CABP1: variants seen among roughly 807,000 people sequenced by gnomAD.
CABP1 encodes calcium-binding protein 1.
A neutral mutation model predicts 34.3 loss-of-function variants in CABP1; 17 were observed. The ratio of observed to expected loss-of-function variants is 0.50; its 90% CI spans 0.34 to 0.74. The LOEUF (loss-of-function observed/expected upper bound fraction) is 0.74, where lower values mean the gene tolerates loss of function less well. Ranked by LOEUF, CABP1 falls within the 30% of genes least tolerant of loss-of-function variation. The pLI is 0.01. For missense variants in CABP1, 373 were observed against 511.1 expected, an observed-to-expected ratio of 0.73 and a Z score of 2.61; for synonymous variants, 198 against 229.2, an observed-to-expected ratio of 0.86 and a Z score of 1.23.
chr12:120,655,407 TG>T, intron 1 of CABP1: 1 of 342,660 alleles, frequency 2.9e-6, no homozygotes, highest in Non-Finnish European at 4.2e-6. Flanking sequence ...CACTCCAGCC[TG>T]GGCGACAGAG....
Position 120,661,331 on chromosome 12 carries a change from A to C in CABP1, c.1087+113A>C, listed in dbSNP as rs1034731139. 7.9e-7 allele frequency: 1 copy of C among 1,262,142 alleles called. No homozygotes were observed. The highest frequency in any genetic ancestry group is 1.1e-6 in the Non-Finnish European group (1 of 921,274). The allele number at this position is 1,262,142 out of a possible 1,614,324, so 78.2% of individuals were successfully genotyped here. ...AATCCGCCCTAATTTTCCAACCCCC[A>C]GCCCTTTCATCCTCTTATCCCTCCG... On this transcript the variant is annotated intron_variant, in intron 5 of 5. Transcript: ENST00000316803. This position sits in a 1 kb window ranked among gnomAD's most constrained non-coding sequence, Gnocchi z 5.1.
At chr12:120,643,595 T>TA (rs1438867706) in intron 1 of CABP1, among the ~76,000 whole-genome samples, 2 of 152,242 alleles carry the variant, frequency 1.3e-5, no homozygotes, top group African/African-American at 4.8e-5. Flanking sequence ...ATTTCTTTTT[T>TA]AAAAAATATA....
chr12:120,643,338 C>T (rs1056222077), intron 1 of CABP1, among the ~76,000 whole-genome samples: 4 of 152,214 alleles, frequency 2.6e-5, no homozygotes, highest in South Asian at 2.1e-4. Flanking sequence ...CTGGGACTTT[C>T]GTGTCAGAGC....
At chr12:120,656,225 C>G in intron 1 of CABP1, 4 of 1,589,922 alleles carry the variant, frequency 2.5e-6, no homozygotes, top group Non-Finnish European at 3.4e-6. Flanking sequence ...CCTGCTGGGC[C>G]CTGCCTGCAT....
rs773340579 is a variant in CABP1 at position 120,655,850 on chromosome 12, TGC to T, written c.655-4025_655-4024del. ...GCGTGCGTGTGTGTGTGTGTGTGTG[TGC>T]GCATGTGCCACACAGAGGGCATCAC... is the stretch of plus-strand genomic sequence containing the variant. On this transcript the variant is annotated intron_variant, in intron 1 of 5. Transcript: ENST00000316803. The T allele has an allele frequency of 5.0e-4, 726 of 1,455,834 alleles. No individual in the cohort carries two copies. The East Asian group carries it at 6.9e-3, about 14-fold the overall frequency. 90.2% of individuals were successfully genotyped at this position (1,455,834 alleles called of 1,614,324 possible). A position where few individuals can be genotyped will look rare whatever the true frequency, so the allele number is the denominator to read the frequency against.
intron 1 of CABP1, among the ~76,000 whole-genome samples, chr12:120,644,556 T>C (rs1879466126): frequency 1.3e-5 from 2 of 152,176 alleles, no homozygotes; most frequent in South Asian, 4.1e-4. Flanking sequence ...GAAACAGGCT[T>C]TCTGCTCCTT....
downstream of CABP1, among the ~76,000 whole-genome samples, chr12:120,668,593 T>C (rs1026827031): frequency 6.6e-6 from 1 of 152,206 alleles, no homozygotes; most frequent in African/African-American, 2.4e-5. Flanking sequence ...AGTTTCTTCC[T>C]GTGTAATGTG....
chr12:120,664,727 A>G (rs1370771660), intron 5 of CABP1, among the ~76,000 whole-genome samples: 1 of 151,878 alleles, frequency 6.6e-6, no homozygotes, highest in African/African-American at 2.4e-5. Context: ...TACAAAAAAA[A>G]TTAGCTGGGT....
Position 120,641,357 on chromosome 12 carries a change from C to T in CABP1, c.654+18C>T. On this transcript the variant is annotated intron_variant, in intron 1 of 5. Coordinates refer to ENST00000316803, the MANE Select transcript of CABP1 (RefSeq NM_001033677.2). This position sits in a 1 kb window ranked among gnomAD's most constrained non-coding sequence, Gnocchi z 6.7. ...TTGGCCAGGTAAGGGCCGCGCCTCC[C>T]GTCAGCGCTCCCGGGAAAGGCGCTC... 7.9e-7 allele frequency: 1 copy of T among 1,263,962 alleles called. No individual in the cohort carries two copies. The highest frequency in any genetic ancestry group is 1.0e-6 in the Non-Finnish European group (1 of 1,004,188). The allele number at this position is 1,263,962 out of a possible 1,614,324, so 78.3% of individuals were successfully genotyped here. A position where few individuals can be genotyped will look rare whatever the true frequency, so the allele number is the denominator to read the frequency against.
chr12:120,669,677 A>T (rs968632380), downstream of CABP1, among the ~76,000 whole-genome samples: 2 of 151,974 alleles, frequency 1.3e-5, no homozygotes, highest in Non-Finnish European at 2.9e-5. Context: ...TTGCTTGAAC[A>T]CGAGAGGCGG....
rs1565998050 is a variant in CABP1 at position 120,655,852 on chromosome 12, CG to C, written c.655-4025del. ...GTGCGTGTGTGTGTGTGTGTGTGTG[CG>C]CATGTGCCACACAGAGGGCATCACA... is the stretch of plus-strand genomic sequence containing the variant. On this transcript the variant is annotated intron_variant, in intron 1 of 5. Transcript: ENST00000316803. 26 of 1,458,832 alleles carry C rather than the reference CG, an allele frequency of 1.8e-5. No homozygotes were observed. The African/African-American group carries it at 4.1e-4, about 23-fold the overall frequency. The allele number at this position is 1,458,832 out of a possible 1,614,324, so 90.4% of individuals were successfully genotyped here.
chr12:120,678,619 A>G, the CABP1 span, among the ~76,000 whole-genome samples: 2,436 of 152,272 alleles, frequency 0.016, 76 homozygotes, highest in African/African-American at 0.055. Flanking sequence ...CAAGTGAGAC[A>G]ACTGAGGCCC....
At chr12:120,652,952 G>A (rs1257861442) in intron 1 of CABP1, among the ~76,000 whole-genome samples, 1 of 152,160 alleles carries the variant, frequency 6.6e-6, no homozygotes, top group Non-Finnish European at 1.5e-5. Context: ...GAGGCAGCCT[G>A]CACCAGGCTC....
the CABP1 span, among the ~76,000 whole-genome samples, chr12:120,680,010 A>T: frequency 6.6e-6 from 1 of 152,078 alleles, no homozygotes; most frequent in East Asian, 1.9e-4. Flanking sequence ...CATCTCTACT[A>T]GAAGTACAAA....
chr12:120,655,219 G>C (rs1880102338), intron 1 of CABP1: 1 of 152,974 alleles, frequency 6.5e-6, no homozygotes, highest in South Asian at 2.1e-4. Flanking sequence ...CCTGAGATCA[G>C]GAGTTCGAGA....
chr12:120,656,010 AG>A (rs761788616), intron 1 of CABP1: 3 of 1,596,560 alleles, frequency 1.9e-6, no homozygotes, highest in Non-Finnish European at 2.6e-6. Flanking sequence ...TCTTGCGGAA[AG>A]CCCCTCCCGG....
intron 1 of CABP1, chr12:120,655,950 G>A: frequency 6.5e-7 from 1 of 1,540,808 alleles, no homozygotes; most frequent in Non-Finnish European, 8.7e-7. Flanking sequence ...TTTGATGCCT[G>A]TGCACGCTCA....
rs1466735913 is a variant in CABP1, at chr12:120,661,295, A to T, written c.1087+77A>T. 5 of 1,517,222 alleles carry T rather than the reference A, an allele frequency of 3.3e-6. No individual in the cohort carries two copies. In the African/African-American group the frequency reaches 6.9e-5, roughly 21 times the overall value. The allele number at this position is 1,517,222 out of a possible 1,614,324, so 94.0% of individuals were successfully genotyped here. A position where few individuals can be genotyped will look rare whatever the true frequency, so the allele number is the denominator to read the frequency against. ...GGAGCCCTCCAATTGTGTATCCATC[A>T]TGCAACCATCAATCCGCCCTAATTT... On this transcript the variant is annotated intron_variant, in intron 5 of 5. Coordinates refer to ENST00000316803, the MANE Select transcript of CABP1 (RefSeq NM_001033677.2). The surrounding 1 kb of genome is among the most constrained non-coding windows in gnomAD (Gnocchi z 5.1).
chr12:120,666,039 G>C (rs902020082), intron 5 of CABP1, among the ~76,000 whole-genome samples: 4 of 144,106 alleles, frequency 2.8e-5, no homozygotes, highest in Non-Finnish European at 4.6e-5. Flanking sequence ...AAAGAAAAGA[G>C]AGAGAGAGAA....
Sources: allele counts gnomAD v4.1 joint callset (sites outside exome capture counted in the v4.1 genomes callset), GRCh38; gene constraint gnomAD v4.1.1; non-coding constraint Gnocchi (gnomAD v3.1); transcripts MANE v1.5; gene names NCBI Gene and HGNC (gene_info 2026-07-23, HGNC 2026-07-21).